The following CTNNA3 variants were observed in gnomAD, a reference collection of about 807,000 sequenced individuals.
CTNNA3 encodes catenin alpha 3.
CTNNA3 carries 76 observed loss-of-function variants against 95.7 expected under a neutral mutation model. The ratio of observed to expected loss-of-function variants is 0.79; its 90% confidence interval spans 0.66 to 0.96. The LOEUF (loss-of-function observed/expected upper bound fraction) is 0.96. Ranked by LOEUF, CTNNA3 falls within the 40% of genes least tolerant of loss-of-function variation. CTNNA3 has a pLI of 0.00. For missense variants in CTNNA3, 1,191 were observed against 1,089.8 expected, an observed-to-expected ratio of 1.09 and a Z score of -1.31; for synonymous variants, 431 against 374.4, an observed-to-expected ratio of 1.15 and a Z score of -1.74.
At chr10:66,290,901 G>A (rs567542592) in intron 12 of CTNNA3, among the ~76,000 whole-genome samples, 1 of 152,246 alleles carries the variant, frequency 6.6e-6, no homozygotes, top group South Asian at 2.1e-4. Flanking sequence ...AAACAAAAAT[G>A]CTAATGATGT....
chr10:67,759,382 AC>A (rs1234508494), intron 1 of CTNNA3, among the ~76,000 whole-genome samples: 1 of 152,224 alleles, frequency 6.6e-6, no homozygotes, highest in Admixed American at 6.5e-5. Context: ...TTGTTGTCAA[AC>A]CTATTCCTTT....
chr10:66,299,505 A>G (rs1252281093), intron 12 of CTNNA3, among the ~76,000 whole-genome samples: 1 of 152,192 alleles, frequency 6.6e-6, no homozygotes, highest in Non-Finnish European at 1.5e-5. Flanking sequence ...ATTCCAATGA[A>G]CCATGCATAA....
chr10:67,414,784 T>G (rs1845487169), intron 5 of CTNNA3, among the ~76,000 whole-genome samples: 1 of 152,236 alleles, frequency 6.6e-6, no homozygotes, highest in East Asian at 1.9e-4. Flanking sequence ...TCACATTTGT[T>G]GTGATTTGTG....
At chr10:67,127,821 C>T (rs1351884900) in intron 7 of CTNNA3, among the ~76,000 whole-genome samples, 1 of 152,002 alleles carries the variant, frequency 6.6e-6, no homozygotes, top group Non-Finnish European at 1.5e-5. Flanking sequence ...ATTATTCAAA[C>T]TTGGTAGGAA....
chr10:66,880,008 C>A (rs995219241), intron 7 of CTNNA3, among the ~76,000 whole-genome samples: 1 of 151,974 alleles, frequency 6.6e-6, no homozygotes, highest in African/African-American at 2.4e-5. Flanking sequence ...CTGATATAAA[C>A]CAGTGTTTAA....
chr10:66,238,491 T>G lies in CTNNA3; in HGVS notation c.1884+41979A>C, dbSNP rs978189133. Among the ~76,000 whole-genome samples, 3 of 152,108 alleles carry G rather than the reference T, an allele frequency of 2.0e-5. No individual in the cohort carries two copies. In the East Asian group the frequency reaches 5.8e-4, roughly 29 times the overall value. ...TTCTTGTCTTACCAGATTCCAGAAA[T>G]AGTTGTATAGACAGCCAATAAAAGA... On this transcript the variant is annotated intron_variant, in intron 13 of 17. Transcript: ENST00000433211.
intron 15 of CTNNA3, among the ~76,000 whole-genome samples, chr10:66,001,190 C>T (rs933341831): frequency 6.7e-4 from 101 of 151,800 alleles, no homozygotes; most frequent in African/African-American, 2.3e-3. Context: ...TTGAAATGGC[C>T]CCAGTAGCCT....
intron 13 of CTNNA3, among the ~76,000 whole-genome samples, chr10:66,158,694 G>A (rs146795255): frequency 6.5e-4 from 99 of 152,072 alleles, no homozygotes; most frequent in Middle Eastern, 6.8e-3. Flanking sequence ...GAATGATGGT[G>A]GTAATTTAAT....
At chr10:66,545,751 C>T (rs1226674571) in intron 10 of CTNNA3, among the ~76,000 whole-genome samples, 2 of 151,784 alleles carry the variant, frequency 1.3e-5, no homozygotes, top group East Asian at 1.9e-4. Context: ...GTTTTTTATT[C>T]GGAGTTACCA....
At chr10:66,680,656 T>C (rs1847035752) in intron 9 of CTNNA3, among the ~76,000 whole-genome samples, 1 of 152,186 alleles carries the variant, frequency 6.6e-6, no homozygotes, top group Non-Finnish European at 1.5e-5. Flanking sequence ...ATGCATTCAT[T>C]TGTTCCTTCA....
intron 12 of CTNNA3, among the ~76,000 whole-genome samples, chr10:66,332,074 G>C (rs1300679910): frequency 1.3e-5 from 2 of 151,994 alleles, no homozygotes; most frequent in African/African-American, 4.8e-5. Context: ...AAGAATGCTT[G>C]TGATTTTTGC....
At chr10:66,554,506 T>A (rs1842331590) in intron 10 of CTNNA3, among the ~76,000 whole-genome samples, 1 of 152,196 alleles carries the variant, frequency 6.6e-6, no homozygotes, top group Non-Finnish European at 1.5e-5. Flanking sequence ...CTTCTCCTAT[T>A]TTTAATAGCT....
intron 7 of CTNNA3, among the ~76,000 whole-genome samples, chr10:66,987,682 TTACCA>T (rs1467613263): frequency 6.6e-6 from 1 of 152,176 alleles, no homozygotes; most frequent in African/African-American, 2.4e-5. Context: ...ATTCAAAGAC[TTACCA>T]TTACACTTTA....
intron 5 of CTNNA3, among the ~76,000 whole-genome samples, chr10:67,420,341 T>C (rs1173755189): frequency 2.6e-5 from 4 of 152,212 alleles, no homozygotes; most frequent in South Asian, 2.1e-4. Context: ...AATTTTAACA[T>C]ATAGTACAAA....
intron 15 of CTNNA3, 39 bp from the exon 16 acceptor site, chr10:65,988,836 G>T (rs1286408729): frequency 5.6e-6 from 8 of 1,430,412 alleles, no homozygotes; most frequent in Non-Finnish European, 6.9e-6. Flanking sequence ...TGGTGTTCAT[G>T]AGAAAATATA....
At chr10:67,713,953 TAA>T (rs113131998) in intron 1 of CTNNA3, among the ~76,000 whole-genome samples, 2 of 144,050 alleles carry the variant, frequency 1.4e-5, no homozygotes, top group Non-Finnish European at 1.5e-5. Context: ...AAAGTAAAAT[TAA>T]AAAAAAAAAA....
At chr10:66,266,991 T>C (rs2091174299) in intron 13 of CTNNA3, among the ~76,000 whole-genome samples, 1 of 151,818 alleles carries the variant, frequency 6.6e-6, no homozygotes, top group African/African-American at 2.4e-5. Flanking sequence ...AAGAGATTGT[T>C]TGTCATCTAT....
rs1364528164 is a variant in CTNNA3 at position 67,188,670 on chromosome 10, A to G, written c.844-8150T>C. ...TATATCCAAGGGAAATGAAATCAGT[A>G]TATCAAAGAGATATATGTACTCTCA... is the stretch of plus-strand genomic sequence containing the variant. On this transcript the variant is annotated intron_variant, in intron 6 of 17. Coordinates refer to ENST00000433211, the MANE Select transcript of CTNNA3 (RefSeq NM_013266.4). Among the ~76,000 whole-genome samples, 3 of 152,226 alleles carry G rather than the reference A, an allele frequency of 2.0e-5. No individual in the cohort carries two copies. In the East Asian group the frequency reaches 5.8e-4, roughly 29 times the overall value.
At chr10:65,933,440 T>C (rs1486404023) in intron 17 of CTNNA3, among the ~76,000 whole-genome samples, 1 of 152,302 alleles carries the variant, frequency 6.6e-6, no homozygotes, top group African/African-American at 2.4e-5. Flanking sequence ...CTAAAGCTAG[T>C]TTCCTAGGAA....
Sources: gnomAD v4.1 joint callset for allele counts (sites outside exome capture counted in the v4.1 genomes callset) on GRCh38, gnomAD v4.1.1 for gene constraint, MANE v1.5 for transcripts, NCBI Gene and HGNC (gene_info 2026-07-23, HGNC 2026-07-21) for gene names.